ANP32E: variants seen among roughly 807,000 people sequenced by gnomAD.
ANP32E encodes the protein acidic nuclear phosphoprotein 32 family member E, also known as acidic leucine-rich nuclear phosphoprotein 32 family member E.
Under a neutral mutation model 35.3 loss-of-function variants are expected in ANP32E, and 14 were observed. That is an observed-to-expected ratio of 0.40 (90% CI 0.26 to 0.62). ANP32E has a LOEUF of 0.62. Among genes scored for constraint, ANP32E ranks in the 20% least tolerant of loss-of-function variants. The pLI is 0.45. For synonymous variants in ANP32E, 89 were observed against 110.4 expected (o/e 0.81, Z 1.22); for missense variants, 198 against 304.4 (o/e 0.65, Z 2.60).
intron 4 of ANP32E, among the ~76,000 whole-genome samples, chr1:150,228,488 G>A (rs1201409766): frequency 4.6e-5 from 7 of 152,094 alleles, no homozygotes; most frequent in East Asian, 1.9e-4. Context: ...TCAGCAGTTC[G>A]AGACCAGCCT....
At chr1:150,225,941 C>T (rs79986466) in intron 5 of ANP32E, among the ~76,000 whole-genome samples, 3,476 of 151,074 alleles carry the variant, frequency 0.023, 70 homozygotes, top group Non-Finnish European at 0.037. Flanking sequence ...TATAATGTGC[C>T]AGGGACTATA....
chr1:150,223,064 G>A, intron 6 of ANP32E, 122 bp downstream of exon 6: 1 of 1,179,858 alleles, frequency 8.5e-7, no homozygotes, highest in Non-Finnish European at 1.2e-6. Flanking sequence ...CAAAATCAAA[G>A]GGATCAGTAA....
In ANP32E at chr1:150,221,604, G is replaced by GGGAAGGAAGGAAGGAA. The variant is rs1330142808; in HGVS notation, c.737-859_737-844dup. On this transcript the variant is annotated intron_variant, in intron 6 of 6. Coordinates refer to ENST00000583931, the MANE Select transcript of ANP32E (RefSeq NM_030920.5). ...AGGAAGGGAGGGAGGGAGGGAGGGA[G>GGGAAGGAAGGAAGGAA]GGAAGGAAGGAAGGAAGGAAGGAAA... 5.3e-3 allele frequency among the ~76,000 whole-genome samples: 196 copies of GGGAAGGAAGGAAGGAA among 36,896 alleles called. 10 individuals carry two copies. The highest frequency in any genetic ancestry group is 8.3e-3 in the Admixed American group (27 of 3,268). The allele number at this position is 36,896 out of a possible 152,430, so 24.2% of individuals were successfully genotyped here.
rs143260001 is a variant in ANP32E at position 150,220,752 on chromosome 1, C to T, written c.746G>A (p.Gly249Asp). 11 of 1,613,602 alleles carry T rather than the reference C, an allele frequency of 6.8e-6. No homozygotes were observed. Among genetic ancestry groups the T allele is most frequent in the Middle Eastern group, 1.6e-4 (1 of 6,082 alleles). ...TCGTTTCCTCTTCTCCCCTCGAAGA[C>T]CTCCTTCTTCTTAAAGAGTGGAAAG... Reference protein sequence around the residue: ...GEEEEEEEEGGLRGEKRKRDA... With the variant: ...GEEEEEEEEGDLRGEKRKRDA... The change falls in exon 7 of 7, where the codon GGT (glycine) becomes GAT (aspartate). Residue 249 changes from glycine (G) to aspartate (D), a missense_variant. Around this residue, in one of 4 missense-constraint regions of ANP32E, gnomAD observed 121 missense variants for 137.3 expected, o/e 0.88. Transcript: ENST00000583931.
At chr1:150,229,893 C>T (rs1649218513) in intron 3 of ANP32E, among the ~76,000 whole-genome samples, 1 of 152,054 alleles carries the variant, frequency 6.6e-6, no homozygotes, top group Non-Finnish European at 1.5e-5. Context: ...ATTACAGGCG[C>T]AAGCCACCGT....
At chr1:150,225,171 G>A (rs1553839436) in intron 5 of ANP32E, among the ~76,000 whole-genome samples, 2 of 152,214 alleles carry the variant, frequency 1.3e-5, no homozygotes, top group Non-Finnish European at 2.9e-5. Flanking sequence ...TGATTTGGGT[G>A]GTGGTTGCAC....
In ANP32E at chr1:150,221,604, G is replaced by GGAAGGAAGGAAGGAAGGAAGGAA. The variant is rs1559994099; in HGVS notation, c.737-844_737-843insTTCCTTCCTTCCTTCCTTCCTTC. 4.3e-4 allele frequency among the ~76,000 whole-genome samples: 16 copies of GGAAGGAAGGAAGGAAGGAAGGAA among 36,896 alleles called. 3 individuals carry two copies. Among genetic ancestry groups the GGAAGGAAGGAAGGAAGGAAGGAA allele is most frequent in the East Asian group, 3.5e-3 (3 of 860 alleles). 24.2% of individuals were successfully genotyped at this position (36,896 alleles called of 152,430 possible). A position where few individuals can be genotyped will look rare whatever the true frequency, so the allele number is the denominator to read the frequency against. On this transcript the variant is annotated intron_variant, in intron 6 of 6. Coordinates refer to ENST00000583931, the MANE Select transcript of ANP32E (RefSeq NM_030920.5). ...AGGAAGGGAGGGAGGGAGGGAGGGA[G>GGAAGGAAGGAAGGAAGGAAGGAA]GGAAGGAAGGAAGGAAGGAAGGAAA...
intron 5 of ANP32E, among the ~76,000 whole-genome samples, chr1:150,223,877 C>T (rs986129166): frequency 6.6e-6 from 1 of 151,722 alleles, no homozygotes; most frequent in African/African-American, 2.4e-5. Flanking sequence ...TCCCGATTAG[C>T]TGGGATTACA....
chr1:150,223,869 C>A (rs78417158), intron 5 of ANP32E, among the ~76,000 whole-genome samples: 1 of 151,240 alleles, frequency 6.6e-6, no homozygotes, highest in South Asian at 2.1e-4. Flanking sequence ...CCTCGGCCTC[C>A]CGATTAGCTG....
At position 150,229,053 on chromosome 1, in the gene ANP32E, G is replaced by C; in HGVS notation, c.493+19C>G. 1.2e-6 allele frequency: 2 copies of C among 1,603,384 alleles called. No individual in the cohort carries two copies. Among genetic ancestry groups the C allele is most frequent in the Non-Finnish European group, 1.7e-6 (2 of 1,175,578 alleles). ...GAGGCTATAATTATGACACACTTATGAGTATTAAGAACGATTACCCTCATC... is the reference window on the plus strand; with the variant it reads ...GAGGCTATAATTATGACACACTTATCAGTATTAAGAACGATTACCCTCATC... On this transcript the variant is annotated intron_variant, in intron 4 of 6. Transcript: ENST00000583931.
intron 3 of ANP32E, among the ~76,000 whole-genome samples, chr1:150,229,598 C>A (rs797028796): frequency 1.3e-5 from 2 of 152,238 alleles, no homozygotes; most frequent in South Asian, 2.1e-4. Flanking sequence ...CCTGCCTCAG[C>A]CTCCCGAGTC....
chr1:150,234,747 C>T (rs1368006496), intron 1 of ANP32E: 5 of 883,234 alleles, frequency 5.7e-6, no homozygotes, highest in Non-Finnish European at 6.8e-6. Context: ...GCGTTGTCCT[C>T]GCGCCTTCGC....
intron 1 of ANP32E, among the ~76,000 whole-genome samples, chr1:150,232,508 T>C (rs1649444401): frequency 6.8e-6 from 1 of 146,946 alleles, no homozygotes; most frequent in African/African-American, 2.5e-5. Flanking sequence ...TCTTGCTCTG[T>C]TACCCAGGCT....
rs934062257 is a variant in ANP32E, at chr1:150,219,207, A to G, written c.*1484T>C. 7 of 152,232 alleles carry G rather than the reference A, an allele frequency of 4.6e-5. No homozygotes were observed. The highest frequency in any genetic ancestry group is 2.0e-4 in the Admixed American group (3 of 15,288). 9.4% of individuals were successfully genotyped at this position (152,232 alleles called of 1,614,324 possible). ...GACACTAACTTCTTAAAAACTTACA[A>G]ATATTCAAAACAAAGGGAAAAAATT... is the stretch of plus-strand genomic sequence containing the variant. On this transcript the variant is annotated 3_prime_UTR_variant, in exon 7 of 7. Coordinates refer to ENST00000583931, the MANE Select transcript of ANP32E (RefSeq NM_030920.5).
rs1649366226 is a variant in ANP32E, at chr1:150,231,767, G to T, written c.204+10C>A. ...TGAAATCATGATGCTTCACGTAAAT[G>T]CCAACTTACTTTTCGAAGTTTATTT... On this transcript the variant is annotated intron_variant, in intron 2 of 6. Transcript: ENST00000583931. 1 of 1,603,146 alleles carries T rather than the reference G, an allele frequency of 6.2e-7. No homozygotes were observed. The highest frequency in any genetic ancestry group is 1.3e-5 in the African/African-American group (1 of 74,076).
chr1:150,218,595 A>T lies in ANP32E; in HGVS notation c.*2096T>A, dbSNP rs1400176681. 6.6e-6 allele frequency: 1 copy of T among 152,650 alleles called. No individual in the cohort carries two copies. Among genetic ancestry groups the T allele is most frequent in the Non-Finnish European group, 1.5e-5 (1 of 68,036 alleles). 9.5% of individuals were successfully genotyped at this position (152,650 alleles called of 1,614,324 possible). On this transcript the variant is annotated 3_prime_UTR_variant, in exon 7 of 7. Coordinates refer to ENST00000583931, the MANE Select transcript of ANP32E (RefSeq NM_030920.5). ...ATGGCTTTATTCAAAACACAGTTGCACAAAAGTATTAACTTCAAAGTTTTT... is the reference window on the plus strand; with the variant it reads ...ATGGCTTTATTCAAAACACAGTTGCTCAAAAGTATTAACTTCAAAGTTTTT...
chr1:150,235,513 T>A lies in ANP32E; in HGVS notation c.54+220A>T, dbSNP rs587707390. ...AAAGCCGAAAGGAGCTAAGCCCCCA[T>A]GCACACACAAAAACGCCCCTAGAAA... On this transcript the variant is annotated intron_variant, in intron 1 of 6. Transcript: ENST00000583931. The surrounding 1 kb of genome is among the most constrained non-coding windows in gnomAD (Gnocchi z 4.2). Among the ~76,000 whole-genome samples, 139 of 152,274 alleles carry A rather than the reference T, an allele frequency of 9.1e-4. No homozygotes were observed. The highest frequency in any genetic ancestry group is 1.5e-3 in the Non-Finnish European group (104 of 68,004).
intron 1 of ANP32E, 21 bp from the exon 2 acceptor site, chr1:150,231,947 A>G (rs782652793): frequency 1.2e-6 from 2 of 1,606,142 alleles, no homozygotes; most frequent in South Asian, 2.2e-5. Context: ...GAAAACATTA[A>G]TTAATGATTC....
intron 6 of ANP32E, among the ~76,000 whole-genome samples, chr1:150,222,294 C>G (rs1363815671): frequency 6.6e-6 from 1 of 151,334 alleles, no homozygotes; most frequent in Non-Finnish European, 1.5e-5. Flanking sequence ...GTGGCGGCGC[C>G]TATAGTCCCA....
Sources: allele counts gnomAD v4.1 joint callset (sites outside exome capture counted in the v4.1 genomes callset), GRCh38; gene constraint gnomAD v4.1.1; regional missense constraint gnomAD v4.1.1; non-coding constraint Gnocchi (gnomAD v3.1); transcripts MANE v1.5; gene names NCBI Gene and HGNC (gene_info 2026-07-23, HGNC 2026-07-21).